PCDHGB3: variants seen among roughly 807,000 people sequenced by gnomAD.
PCDHGB3 encodes the protein protocadherin gamma-B3.
PCDHGB3 carries 40 observed loss-of-function variants against 59.2 expected under a neutral mutation model. The observed-to-expected ratio is 0.68, with a 90% CI of 0.52 to 0.88. PCDHGB3 has a LOEUF of 0.88. PCDHGB3 is among the 40% of genes least tolerant of loss of function. PCDHGB3 has a pLI of 0.00. For missense variants in PCDHGB3, 1,309 were observed against 1,187.9 expected, an observed-to-expected ratio of 1.10 and a Z score of -1.50; for synonymous variants, 581 against 503.6, an observed-to-expected ratio of 1.15 and a Z score of -2.06.
chr5:141,371,232 G>A lies in PCDHGB3; in HGVS notation c.838G>A (p.Ala280Thr), dbSNP rs1383557802. Residue 280 changes from alanine (A) to threonine (T), a missense_variant, in exon 1 of 4, where the codon GCC (alanine) becomes ACC (threonine). By Grantham distance (58) the Ala-to-Thr change is moderately conservative. Coordinates refer to ENST00000576222, the MANE Select transcript of PCDHGB3 (RefSeq NM_018924.5). ...GGGCATCAATGCCGAAATCATCTATGCCTTCATCAATATTGGCAAGGAAGT... is the reference window on the plus strand; with the variant it reads ...GGGCATCAATGCCGAAATCATCTATACCTTCATCAATATTGGCAAGGAAGT... ...DEGINAEIIY[A>T]FINIGKEVRQ... 6 of 1,613,918 alleles carry A rather than the reference G, an allele frequency of 3.7e-6. No homozygotes were observed. In the Admixed American group the frequency reaches 6.7e-5, roughly 18 times the overall value.
intron 1 of PCDHGB3, chr5:141,419,658 A>C: frequency 1.9e-6 from 3 of 1,612,782 alleles, no homozygotes; most frequent in Non-Finnish European, 2.5e-6. Context: ...GACTCGGGGC[A>C]CAATGCCTGG....
In PCDHGB3 at chr5:141,420,274, GGTAA is replaced by G. The variant is rs1362175190; in HGVS notation, c.2415+47469_2415+47472del. 5.9e-6 allele frequency: 9 copies of G among 1,525,426 alleles called. 1 individual carries two copies. The highest frequency in any genetic ancestry group is 2.1e-5 in the Admixed American group (1 of 48,284). 94.5% of individuals were successfully genotyped at this position (1,525,426 alleles called of 1,614,324 possible). On this transcript the variant is annotated intron_variant, in intron 1 of 3. Coordinates refer to ENST00000576222, the MANE Select transcript of PCDHGB3 (RefSeq NM_018924.5). ...AAGCAGATAAGAAGATTCTTAAACAGGTAAGTATTTAAAAATGTATTTAATCCTT... is the reference window on the plus strand; with the variant it reads ...AAGCAGATAAGAAGATTCTTAAACAGGTATTTAAAAATGTATTTAATCCTT...
intron 1 of PCDHGB3, chr5:141,418,060 A>G (rs2096216821): frequency 1.2e-6 from 2 of 1,613,850 alleles, no homozygotes; most frequent in Admixed American, 1.7e-5. Flanking sequence ...GCGAGCTGCG[A>G]GTGAGCGCGG....
chr5:141,383,125 G>A (rs757654723), intron 1 of PCDHGB3: 6 of 1,614,062 alleles, frequency 3.7e-6, no homozygotes, highest in South Asian at 3.3e-5. Context: ...GCAGCTTTTC[G>A]CCCTGAACCA....
chr5:141,462,668 T>C (rs778396861), intron 1 of PCDHGB3, among the ~76,000 whole-genome samples: 10 of 152,232 alleles, frequency 6.6e-5, no homozygotes, highest in Non-Finnish European at 1.5e-4. Flanking sequence ...CTTCATATTT[T>C]TCTTTAAATT....
chr5:141,403,649 T>A, intron 1 of PCDHGB3: 7 of 1,613,874 alleles, frequency 4.3e-6, no homozygotes, highest in Non-Finnish European at 5.9e-6. Flanking sequence ...TGTGACAGTG[T>A]TGGATACAAA....
At chr5:141,499,025 G>A (rs561539084) in intron 2 of PCDHGB3, among the ~76,000 whole-genome samples, 4 of 140,712 alleles carry the variant, frequency 2.8e-5, no homozygotes, top group Admixed American at 1.4e-4. Context: ...AGGAAGGAAG[G>A]AAGAAAAGAA....
chr5:141,408,725 A>G, intron 1 of PCDHGB3: 1 of 1,610,988 alleles, frequency 6.2e-7, no homozygotes, highest in Non-Finnish European at 8.5e-7. Context: ...GATAAACTCT[A>G]ATCCTTATTT....
At chr5:141,379,736 T>G (rs1361966211) in intron 1 of PCDHGB3, 1 of 152,178 alleles carries the variant, frequency 6.6e-6, no homozygotes, top group Non-Finnish European at 1.5e-5. Context: ...AAGTTATGGC[T>G]AAATGAGGTT....
chr5:141,487,013 C>T lies in PCDHGB3; in HGVS notation c.2416-7794C>T. ...GGTTTCCTATCAGCTCCTGGAGGCC[C>T]CAGATCCCAGCCTGTTTGCAGTCTC... On this transcript the variant is annotated intron_variant, in intron 1 of 3. Coordinates refer to ENST00000576222, the MANE Select transcript of PCDHGB3 (RefSeq NM_018924.5). The surrounding 1 kb of genome is among the most constrained non-coding windows in gnomAD (Gnocchi z 5.0). The T allele has an allele frequency of 1.2e-6, 2 of 1,614,220 alleles. No individual in the cohort carries two copies. Among genetic ancestry groups the T allele is most frequent in the Non-Finnish European group, 1.7e-6 (2 of 1,180,040 alleles).
chr5:141,403,212 C>T (rs755734755), intron 1 of PCDHGB3: 8 of 1,613,834 alleles, frequency 5.0e-6, no homozygotes, highest in East Asian at 2.2e-5. Context: ...TTGGTCACCG[C>T]GGGTAGGATA....
At chr5:141,421,828 C>T in intron 1 of PCDHGB3, 1 of 1,613,796 alleles carries the variant, frequency 6.2e-7, no homozygotes, top group Non-Finnish European at 8.5e-7. Context: ...GGAGGGAAGC[C>T]TGGACCGAGA....
At chr5:141,375,644 G>T (rs762047740) in intron 1 of PCDHGB3, 5 of 1,614,180 alleles carry the variant, frequency 3.1e-6, no homozygotes, top group Non-Finnish European at 4.2e-6. Context: ...GCGCTCCTTC[G>T]ACTATGAGCA....
At chr5:141,392,973 C>A (rs1405082783) in intron 1 of PCDHGB3, 1 of 1,613,888 alleles carries the variant, frequency 6.2e-7, no homozygotes, top group South Asian at 1.1e-5. Flanking sequence ...GGACCTGGGG[C>A]TGGACCCCCG....
chr5:141,380,433 A>C (rs1228885429), intron 1 of PCDHGB3, among the ~76,000 whole-genome samples: 1 of 152,256 alleles, frequency 6.6e-6, no homozygotes, highest in Non-Finnish European at 1.5e-5. Flanking sequence ...TAGACTTTAC[A>C]TAGAATTCTT....
intron 1 of PCDHGB3, chr5:141,390,022 T>A (rs1206102918): frequency 2.5e-6 from 4 of 1,613,928 alleles, no homozygotes; most frequent in Non-Finnish European, 3.4e-6. Context: ...GCCTTGCGCC[T>A]GCGACGCTCC....
chr5:141,410,018 T>C (rs773806211), intron 1 of PCDHGB3: 1 of 1,613,166 alleles, frequency 6.2e-7, no homozygotes, highest in African/African-American at 1.3e-5. Context: ...CTGGCTGTCC[T>C]ACCACGTGCT....
At chr5:141,423,674 C>T (rs57195665) in intron 1 of PCDHGB3, 3 of 1,514,742 alleles carry the variant, frequency 2.0e-6, no homozygotes, top group African/African-American at 1.5e-5. Context: ...AGATTTATTT[C>T]TCTGCCTCCT....
At chr5:141,411,394 A>AC (rs958605809) in intron 1 of PCDHGB3, 4 of 151,570 alleles carry the variant, frequency 2.6e-5, no homozygotes, top group South Asian at 2.1e-4. Context: ...ATATAGGGAG[A>AC]CCCCCCATCT....
Sources: allele counts gnomAD v4.1 joint callset (sites outside exome capture counted in the v4.1 genomes callset), GRCh38; gene constraint gnomAD v4.1.1; non-coding constraint Gnocchi (gnomAD v3.1); transcripts MANE v1.5; gene names NCBI Gene and HGNC (gene_info 2026-07-23, HGNC 2026-07-21).